The following SIL1 variants were observed in gnomAD, a reference collection of about 807,000 sequenced individuals.
The protein encoded by SIL1 is SIL1 nucleotide exchange factor.
Under a neutral mutation model 49.1 loss-of-function variants are expected in SIL1, and 40 were observed. The ratio of observed to expected loss-of-function variants is 0.81; its 90% CI spans 0.63 to 1.06. The LOEUF (loss-of-function observed/expected upper bound fraction) is 1.06, where lower values mean the gene tolerates loss of function less well. Among genes scored for constraint, SIL1 ranks in the 50% least tolerant of loss-of-function variants. The pLI is 0.00. For missense variants in SIL1, 500 were observed against 572.6 expected, an observed-to-expected ratio of 0.87 and a Z score of 1.29; for synonymous variants, 253 against 250.8, an observed-to-expected ratio of 1.01 and a Z score of -0.08.
intron 7 of SIL1, among the ~76,000 whole-genome samples, chr5:138,957,362 G>T (rs1430663472): frequency 6.6e-6 from 1 of 150,974 alleles, no homozygotes; most frequent in African/African-American, 2.4e-5. Flanking sequence ...CTTGAGTCCA[G>T]GAGTTTGAAA....
chr5:139,107,481 T>C (rs765820045), intron 3 of SIL1, among the ~76,000 whole-genome samples: 27 of 152,172 alleles, frequency 1.8e-4, no homozygotes, highest in Admixed American at 5.2e-4. Context: ...TATAGGACAA[T>C]TATCAAAACT....
intron 3 of SIL1, among the ~76,000 whole-genome samples, chr5:139,061,871 G>T (rs1769597249): frequency 6.6e-6 from 1 of 152,154 alleles, no homozygotes; most frequent in Non-Finnish European, 1.5e-5. Context: ...AAGGCACACA[G>T]TAGGCCTCCA....
At chr5:139,088,369 C>T (rs1202505346) in intron 3 of SIL1, among the ~76,000 whole-genome samples, 4 of 152,188 alleles carry the variant, frequency 2.6e-5, no homozygotes, top group Non-Finnish European at 5.9e-5. Context: ...GATTTCATTC[C>T]CCATGGGAAC....
chr5:139,127,223 G>GGA (rs1750771483), intron 2 of SIL1, among the ~76,000 whole-genome samples: 1 of 152,196 alleles, frequency 6.6e-6, no homozygotes, highest in Admixed American at 6.5e-5. Context: ...AAAGTACAAG[G>GGA]GAGAGAGGAG....
At chr5:139,071,797 G>A (rs2150473825) in intron 3 of SIL1, among the ~76,000 whole-genome samples, 1 of 151,568 alleles carries the variant, frequency 6.6e-6, no homozygotes, top group Non-Finnish European at 1.5e-5. Context: ...CTCTCAAGTA[G>A]CTGGGATTGC....
At chr5:139,140,692 G>A (rs1751062916) in intron 1 of SIL1, among the ~76,000 whole-genome samples, 1 of 152,146 alleles carries the variant, frequency 6.6e-6, no homozygotes, top group South Asian at 2.1e-4. Flanking sequence ...CCTTCTACAA[G>A]GGATGGTAGG....
At position 139,148,541 on chromosome 5, in the gene SIL1, G is replaced by A. The variant is rs148979071; in HGVS notation, c.-10-20688C>T. On this transcript the variant is annotated intron_variant, in intron 1 of 9. Transcript: ENST00000394817. Reference sequence around the variant, plus strand: ...CTACCTGCCCAGGTAAACATATCCTGGAAACAGTCTGTCTCACTAACTGCC... The same window carrying A: ...CTACCTGCCCAGGTAAACATATCCTAGAAACAGTCTGTCTCACTAACTGCC... Among the ~76,000 whole-genome samples, 598 of 152,330 alleles carry A rather than the reference G, an allele frequency of 3.9e-3. 4 individuals are homozygous for A. Among genetic ancestry groups the A allele is most frequent in the Non-Finnish European group, 6.1e-3 (416 of 68,026 alleles).
At chr5:138,986,112 G>A (rs191202289) in intron 7 of SIL1, among the ~76,000 whole-genome samples, 70 of 152,242 alleles carry the variant, frequency 4.6e-4, no homozygotes, top group East Asian at 1.3e-3. Context: ...TTAAAAAAGC[G>A]TCCATTCACT....
chr5:138,992,656 G>T (rs550934486), intron 7 of SIL1, among the ~76,000 whole-genome samples: 3 of 151,938 alleles, frequency 2.0e-5, no homozygotes, highest in Non-Finnish European at 4.4e-5. Context: ...ATAATCCTTG[G>T]GCGCTAAACT....
chr5:138,970,229 G>A lies in SIL1; in HGVS notation c.768-18345C>T, dbSNP rs72788897. Among the ~76,000 whole-genome samples, 598 of 152,334 alleles carry A rather than the reference G, an allele frequency of 3.9e-3. 24 individuals are homozygous for A. The South Asian group carries it at 0.082, about 21-fold the overall frequency. Reference sequence around the variant, plus strand: ...AACAAAGGCAGGCTGGGAGACCCAGGTTCAGGTCTCCACTCTCCTCCCAAA... The same window carrying A: ...AACAAAGGCAGGCTGGGAGACCCAGATTCAGGTCTCCACTCTCCTCCCAAA... On this transcript the variant is annotated intron_variant, in intron 7 of 9. Transcript: ENST00000394817.
intron 3 of SIL1, among the ~76,000 whole-genome samples, chr5:139,086,997 T>C (rs1320969124): frequency 6.6e-6 from 1 of 151,586 alleles, no homozygotes; most frequent in Admixed American, 6.6e-5. Flanking sequence ...ATTTCTTTTT[T>C]TAAAAAAATT....
rs61070788 is a variant in SIL1, at chr5:139,058,970, A to ATGTGTGTGTGTGTGTGTGTGTG, written c.245-7925_245-7924insCACACACACACACACACACACA. On this transcript the variant is annotated intron_variant, in intron 3 of 9. Coordinates refer to ENST00000394817, the MANE Select transcript of SIL1 (RefSeq NM_022464.5). Reference sequence around the variant, plus strand: ...TCAGTAGGCGGAGCTAGAAATGTGTATGTGTGTGTGTGTGTGTAACAAAAT... The same window carrying ATGTGTGTGTGTGTGTGTGTGTG: ...TCAGTAGGCGGAGCTAGAAATGTGTATGTGTGTGTGTGTGTGTGTGTGTGTGTGTGTGTGTGTGTAACAAAAT... Among the ~76,000 whole-genome samples the ATGTGTGTGTGTGTGTGTGTGTG allele has an allele frequency of 6.3e-3, 942 of 150,326 alleles. 7 individuals are homozygous for ATGTGTGTGTGTGTGTGTGTGTG. Among genetic ancestry groups the ATGTGTGTGTGTGTGTGTGTGTG allele is most frequent in the African/African-American group, 0.019 (768 of 40,734 alleles).
chr5:139,176,732 G>A (rs149632124), intron 1 of SIL1, among the ~76,000 whole-genome samples: 1 of 152,066 alleles, frequency 6.6e-6, no homozygotes, highest in African/African-American at 2.4e-5. Context: ...TCATGAGGGT[G>A]GAGCCCTCAT....
chr5:139,137,228 A>C, intron 1 of SIL1: 1 of 653,144 alleles, frequency 1.5e-6, no homozygotes, highest in Non-Finnish European at 2.8e-6. Flanking sequence ...TTGCAAGCAA[A>C]GTATTAGTTC....
intron 7 of SIL1, among the ~76,000 whole-genome samples, chr5:139,003,341 T>A (rs1431975896): frequency 6.6e-6 from 1 of 152,096 alleles, no homozygotes; most frequent in African/African-American, 2.4e-5. Context: ...GCCCTTGGAC[T>A]TGGGGGAAAG....
intron 5 of SIL1, chr5:139,035,244 C>T (rs1433197432): frequency 4.2e-6 from 2 of 474,050 alleles, no homozygotes; most frequent in South Asian, 1.7e-5. Context: ...CTGAGCAGTC[C>T]CCAGGATCTC....
chr5:138,984,243 G>A (rs1428520355), intron 7 of SIL1, among the ~76,000 whole-genome samples: 2 of 151,976 alleles, frequency 1.3e-5, no homozygotes, highest in African/African-American at 2.4e-5. Context: ...GTACAAAAGA[G>A]GAATGAACTC....
intron 3 of SIL1, among the ~76,000 whole-genome samples, chr5:139,087,231 T>G (rs928787117): frequency 6.6e-6 from 1 of 152,142 alleles, no homozygotes; most frequent in Non-Finnish European, 1.5e-5. Context: ...ACTTCCACCC[T>G]CTAGGCATTA....
chr5:139,117,881 T>G (rs908464488), intron 3 of SIL1, among the ~76,000 whole-genome samples: 4 of 152,088 alleles, frequency 2.6e-5, no homozygotes, highest in Non-Finnish European at 5.9e-5. Flanking sequence ...CACGAAGTCA[T>G]GAGTTTGTCC....
Sources: allele counts gnomAD v4.1 joint callset (sites outside exome capture counted in the v4.1 genomes callset), GRCh38; gene constraint gnomAD v4.1.1; transcripts MANE v1.5; gene names NCBI Gene and HGNC (gene_info 2026-07-23, HGNC 2026-07-21).